The following SHC3 variants were observed in gnomAD, a reference collection of about 807,000 sequenced individuals.
The protein encoded by SHC3 is SHC-transforming protein 3.
Under a neutral mutation model 60.4 loss-of-function variants are expected in SHC3, and 15 were observed. That is an observed-to-expected ratio of 0.25 (90% CI 0.17 to 0.38). SHC3 has a LOEUF of 0.38. Among genes scored for constraint, SHC3 ranks in the 10% least tolerant of loss-of-function variants. The probability of loss-of-function intolerance (pLI) is 1.00; values close to 1 mark genes in which losing one functional copy is unlikely to be tolerated. For synonymous variants in SHC3, 294 were observed against 325.9 expected, an observed-to-expected ratio of 0.90 and a Z score of 1.05; for missense variants, 677 against 786.1, an observed-to-expected ratio of 0.86 and a Z score of 1.66.
intron 2 of SHC3, among the ~76,000 whole-genome samples, chr9:89,104,279 G>T (rs1432505288): frequency 1.3e-5 from 2 of 152,088 alleles, no homozygotes; most frequent in Admixed American, 1.3e-4. Context: ...TCTCAAACTG[G>T]GGTACCTGGA....
At chr9:89,108,167 T>A (rs1317861541) in intron 2 of SHC3, among the ~76,000 whole-genome samples, 1 of 152,154 alleles carries the variant, frequency 6.6e-6, no homozygotes, top group East Asian at 1.9e-4. Context: ...CTAGCCTAAG[T>A]GCACTCTACG....
chr9:89,024,874 T>C (rs1353929601), intron 11 of SHC3, among the ~76,000 whole-genome samples: 1 of 151,548 alleles, frequency 6.6e-6, no homozygotes, highest in African/African-American at 2.4e-5. Flanking sequence ...TTTAGGGGAG[T>C]TTGTTCAGCA....
chr9:89,038,017 C>A lies in SHC3; in HGVS notation c.1632G>T (p.Leu544=), dbSNP rs148359150. The A allele has an allele frequency of 1.2e-6, 2 of 1,611,166 alleles. No individual in the cohort carries two copies. The highest frequency in any genetic ancestry group is 1.7e-5 in the Admixed American group (1 of 60,010). Residue 544 remains leucine, a synonymous_variant, in exon 11 of 12, where the codon CTG becomes CTT. Transcript: ENST00000375835. ...TGMHNGQAKH[L]LLVDPEGTIR... Reference sequence around the variant, plus strand: ...CCGTGCCTTCTGGGTCCACGAGCAGCAGGTGCTTGGCCTGGCCATTGTGCA... The same window carrying A: ...CCGTGCCTTCTGGGTCCACGAGCAGAAGGTGCTTGGCCTGGCCATTGTGCA...
intron 5 of SHC3, 52 bp from the exon 6 acceptor site, chr9:89,065,632 C>T (rs757352002): frequency 4.4e-5 from 69 of 1,579,418 alleles, no homozygotes; most frequent in Non-Finnish European, 5.5e-5. Context: ...TGAGAGACCA[C>T]ACAGTCAGGG....
At chr9:89,171,382 T>C (rs537777689) in intron 1 of SHC3, among the ~76,000 whole-genome samples, 156 of 152,376 alleles carry the variant, frequency 1.0e-3, no homozygotes, top group African/African-American at 3.7e-3. Flanking sequence ...TTTGTCAGAA[T>C]GACCTCAGAG....
chr9:89,058,610 G>T (rs1282596999), intron 6 of SHC3, among the ~76,000 whole-genome samples: 1 of 151,320 alleles, frequency 6.6e-6, no homozygotes, highest in Admixed American at 6.6e-5. Context: ...GTTAGGACGT[G>T]GTGGAGGACG....
intron 2 of SHC3, among the ~76,000 whole-genome samples, chr9:89,081,519 C>CA (rs1433193281): frequency 6.6e-6 from 1 of 151,584 alleles, no homozygotes; most frequent in Non-Finnish European, 1.5e-5. Flanking sequence ...TCTAAAGTTC[C>CA]AGCCTCTGAA....
At chr9:89,036,506 G>A (rs17435107) in intron 11 of SHC3, among the ~76,000 whole-genome samples, 13,336 of 152,142 alleles carry the variant, frequency 0.088, 797 homozygotes, top group Admixed American at 0.13. Context: ...CAGAGATACC[G>A]TCCCCGGGTA....
intron 1 of SHC3, among the ~76,000 whole-genome samples, chr9:89,126,912 T>C (rs1460810828): frequency 6.6e-6 from 1 of 152,168 alleles, no homozygotes; most frequent in African/African-American, 2.4e-5. Context: ...AGTTATGTCC[T>C]TGGGAGCTTG....
Position 89,157,979 on chromosome 9 carries a change from A to AT in SHC3, c.474+20007dup, listed in dbSNP as rs776407128. Among the ~76,000 whole-genome samples the AT allele has an allele frequency of 2.8e-4, 42 of 151,538 alleles. No individual in the cohort carries two copies. In the East Asian group the frequency reaches 7.0e-3, roughly 25 times the overall value. The stretch of plus-strand genomic sequence containing the variant: ...AAAAAATCTGATTGTGCGTTCATTG[A>AT]TTTTTTCAATTGATTTCCTATATTT... On this transcript the variant is annotated intron_variant, in intron 1 of 11. Transcript: ENST00000375835.
chr9:89,098,050 A>C (rs1436517836), intron 2 of SHC3, among the ~76,000 whole-genome samples: 1 of 152,238 alleles, frequency 6.6e-6, no homozygotes, highest in African/African-American at 2.4e-5. Context: ...CTCCATGATA[A>C]TGCACTGGGA....
At chr9:89,045,931 G>A in intron 8 of SHC3, 98 bp from the exon 9 acceptor site, 1 of 1,187,328 alleles carries the variant, frequency 8.4e-7, no homozygotes, top group Non-Finnish European at 1.2e-6. Flanking sequence ...GATCCTTAAG[G>A]TGGTTCGCAT....
At chr9:89,118,038 T>C (rs1826041133) in intron 1 of SHC3, among the ~76,000 whole-genome samples, 1 of 152,182 alleles carries the variant, frequency 6.6e-6, no homozygotes, top group Non-Finnish European at 1.5e-5. Context: ...ATTTTTTTTC[T>C]GAAGAGATTT....
At chr9:89,074,029 A>G (rs79907760) in intron 4 of SHC3, among the ~76,000 whole-genome samples, 8,938 of 152,306 alleles carry the variant, frequency 0.059, 344 homozygotes, top group Admixed American at 0.11. Context: ...TGTGAGGACA[A>G]AAGGAGGCAG....
intron 6 of SHC3, among the ~76,000 whole-genome samples, chr9:89,057,110 C>G (rs1391067845): frequency 6.6e-6 from 1 of 152,218 alleles, no homozygotes; most frequent in African/African-American, 2.4e-5. Flanking sequence ...GAAGTCATTA[C>G]TCAAATGAGG....
intron 2 of SHC3, among the ~76,000 whole-genome samples, chr9:89,100,753 C>G (rs1351475897): frequency 6.6e-6 from 1 of 152,146 alleles, no homozygotes; most frequent in Non-Finnish European, 1.5e-5. Flanking sequence ...CTTTTTGTAT[C>G]TGGCTTCTTT....
rs1824614504 is a variant in SHC3, at chr9:89,038,139, T to A, written c.1510A>T (p.Met504Leu). ...LQAETWYQGE[M>L]SRKEAEGLLE... Reference sequence around the variant, plus strand: ...AGCCCCTCTGCCTCCTTCCTGCTCATCTCTCCTTGGTACCAAGTCTCGGCT... The same window carrying A: ...AGCCCCTCTGCCTCCTTCCTGCTCAACTCTCCTTGGTACCAAGTCTCGGCT... Residue 504 changes from methionine to leucine, a missense_variant, in exon 11 of 12, where the codon ATG becomes TTG. Physicochemically the swap from Met to Leu is conservative, Grantham distance 15 (BLOSUM62 2). Coordinates refer to ENST00000375835, the MANE Select transcript of SHC3 (RefSeq NM_016848.6). The A allele has an allele frequency of 6.2e-7, 1 of 1,613,954 alleles. No homozygotes were observed. The highest frequency in any genetic ancestry group is 1.3e-5 in the African/African-American group (1 of 74,872).
At chr9:89,070,015 T>G (rs1244749239) in intron 5 of SHC3, among the ~76,000 whole-genome samples, 1 of 152,208 alleles carries the variant, frequency 6.6e-6, no homozygotes, top group African/African-American at 2.4e-5. Flanking sequence ...AACCTTGAAA[T>G]GAAGAGATCT....
rs1369034523 is a variant in SHC3 at position 89,012,740 on chromosome 9, C to G, written c.*707G>C. On this transcript the variant is annotated 3_prime_UTR_variant, in exon 12 of 12. Transcript: ENST00000375835. ...ATGAAATGAATTCCCAAGTACTCCT[C>G]GCACAACTGGGGTCAAGGGTGGCGG... 6.6e-6 allele frequency: 1 copy of G among 152,208 alleles called. No individual in the cohort carries two copies. The highest frequency in any genetic ancestry group is 1.5e-5 in the Non-Finnish European group (1 of 68,046). The allele number at this position is 152,208 out of a possible 1,614,324, so 9.4% of individuals were successfully genotyped here. A position where few individuals can be genotyped will look rare whatever the true frequency, so the allele number is the denominator to read the frequency against.
Sources: gnomAD v4.1 joint callset for allele counts (sites outside exome capture counted in the v4.1 genomes callset) on GRCh38, gnomAD v4.1.1 for gene constraint, MANE v1.5 for transcripts, NCBI Gene and HGNC (gene_info 2026-07-23, HGNC 2026-07-21) for gene names.